The following LINGO2 variants were observed in gnomAD, a reference collection of about 807,000 sequenced individuals.
The protein encoded by LINGO2 is leucine-rich repeat and immunoglobulin-like domain-containing nogo receptor-interacting protein 2.
Under a neutral mutation model 30.6 loss-of-function variants are expected in LINGO2, and 14 were observed. That is an observed-to-expected ratio of 0.46 (90% CI 0.30 to 0.72). The LOEUF (loss-of-function observed/expected upper bound fraction) is 0.72, where lower values mean the gene tolerates loss of function less well. Among genes scored for constraint, LINGO2 ranks in the 30% least tolerant of loss-of-function variants. LINGO2 has a pLI of 0.07. For synonymous variants in LINGO2, 317 were observed against 288.5 expected (o/e 1.10, Z -1.00); for missense variants, 729 against 751.7 (o/e 0.97, Z 0.35).
At chr9:28,409,909 GGA>G (rs200151440) in intron 2 of LINGO2, among the ~76,000 whole-genome samples, 26 of 133,140 alleles carry the variant, frequency 2.0e-4, no homozygotes, top group African/African-American at 6.5e-4. Context: ...TGTGAGGGAG[GGA>G]GAGAGAAATA....
At chr9:28,373,569 G>C (rs1289117627) in intron 2 of LINGO2, among the ~76,000 whole-genome samples, 1 of 151,964 alleles carries the variant, frequency 6.6e-6, no homozygotes, top group Non-Finnish European at 1.5e-5. Flanking sequence ...AGAGGTAAGA[G>C]AAAAAAACTA....
intron 3 of LINGO2, among the ~76,000 whole-genome samples, chr9:28,332,638 A>T (rs1036912952): frequency 2.0e-5 from 3 of 152,104 alleles, no homozygotes; most frequent in African/African-American, 7.2e-5. Context: ...AGCCAAACTC[A>T]AGACAGAGAT....
intron 4 of LINGO2, among the ~76,000 whole-genome samples, chr9:28,137,040 T>A (rs1279148108): frequency 1.3e-5 from 2 of 152,136 alleles, no homozygotes; most frequent in African/African-American, 4.8e-5. Context: ...TCCTGTTTCT[T>A]AGGTTTTCAG....
chr9:28,283,268 G>A (rs527698753), intron 4 of LINGO2, among the ~76,000 whole-genome samples: 4 of 152,242 alleles, frequency 2.6e-5, no homozygotes, highest in Admixed American at 6.5e-5. Flanking sequence ...AATTATACAC[G>A]AAGTGTGTCC....
chr9:28,433,923 T>TCTCTCTC (rs1564196132), intron 2 of LINGO2, among the ~76,000 whole-genome samples: 1,579 of 109,094 alleles, frequency 0.014, 250 homozygotes, highest in Admixed American at 0.02. Flanking sequence ...TGCTCTCTCT[T>TCTCTCTC]TCTCTCTCTC....
the LINGO2 span, among the ~76,000 whole-genome samples, chr9:28,878,186 A>G: frequency 6.6e-6 from 1 of 152,280 alleles, no homozygotes; most frequent in Admixed American, 6.5e-5. Flanking sequence ...AATACAATCT[A>G]CCATCAGAGA....
the LINGO2 span, among the ~76,000 whole-genome samples, chr9:28,922,207 G>A: frequency 6.6e-6 from 1 of 152,128 alleles, no homozygotes; most frequent in Admixed American, 6.6e-5. Flanking sequence ...GTCCCACAAT[G>A]AACATTGCAA....
At chr9:28,187,547 A>C (rs1819586003) in intron 4 of LINGO2, among the ~76,000 whole-genome samples, 1 of 151,960 alleles carries the variant, frequency 6.6e-6, no homozygotes, top group Non-Finnish European at 1.5e-5. Flanking sequence ...TTTGGGCTTC[A>C]CTACTGGATG....
At chr9:28,994,239 G>C in the LINGO2 span, among the ~76,000 whole-genome samples, 2 of 152,238 alleles carry the variant, frequency 1.3e-5, no homozygotes, top group African/African-American at 4.8e-5. Flanking sequence ...CAAACATAGA[G>C]CCAAATCATG....
At chr9:28,920,222 T>C in the LINGO2 span, among the ~76,000 whole-genome samples, 6 of 152,116 alleles carry the variant, frequency 3.9e-5, no homozygotes, top group East Asian at 1.2e-3. Flanking sequence ...TTTTTCTTAA[T>C]GCACCTGATG....
At chr9:29,032,283 C>T in the LINGO2 span, among the ~76,000 whole-genome samples, 1 of 152,092 alleles carries the variant, frequency 6.6e-6, no homozygotes, top group Non-Finnish European at 1.5e-5. Context: ...ATGTTAAATG[C>T]AGAACAATGG....
the LINGO2 span, among the ~76,000 whole-genome samples, chr9:28,890,347 G>A: frequency 6.6e-6 from 1 of 152,144 alleles, no homozygotes; most frequent in Non-Finnish European, 1.5e-5. Context: ...ATTAGGTTGT[G>A]CAGGTAAGCA....
intron 1 of LINGO2, among the ~76,000 whole-genome samples, chr9:28,611,769 C>T (rs1198680631): frequency 1.3e-5 from 2 of 151,762 alleles, no homozygotes; most frequent in Non-Finnish European, 1.5e-5. Flanking sequence ...TCTGTGTCTG[C>T]ATATGAATGC....
the LINGO2 span, among the ~76,000 whole-genome samples, chr9:28,934,256 G>A: frequency 6.6e-6 from 1 of 152,186 alleles, no homozygotes; most frequent in Non-Finnish European, 1.5e-5. Context: ...TCTTTCAAGA[G>A]AACACTATCC....
the LINGO2 span, among the ~76,000 whole-genome samples, chr9:28,883,519 CATA>C: frequency 6.6e-6 from 1 of 151,056 alleles, no homozygotes; most frequent in East Asian, 2.0e-4. Flanking sequence ...CCACTCAAAC[CATA>C]ATAAGGCAGG....
chr9:28,436,942 C>G (rs909505117), intron 2 of LINGO2, among the ~76,000 whole-genome samples: 3 of 152,110 alleles, frequency 2.0e-5, no homozygotes, highest in Non-Finnish European at 4.4e-5. Flanking sequence ...CGAGCTGCAG[C>G]TTTTAATAAA....
chr9:28,492,181 A>G (rs2135271702), intron 1 of LINGO2, among the ~76,000 whole-genome samples: 1 of 152,314 alleles, frequency 6.6e-6, no homozygotes, highest in East Asian at 1.9e-4. Flanking sequence ...TCCACACAGA[A>G]CTAAATTCCA....
At chr9:29,143,931 A>T in the LINGO2 span, among the ~76,000 whole-genome samples, 1 of 152,218 alleles carries the variant, frequency 6.6e-6, no homozygotes, top group South Asian at 2.1e-4. Context: ...AATGCATCTT[A>T]AGCTGATTAT....
chr9:28,081,878 A>G (rs1242374704), intron 4 of LINGO2, among the ~76,000 whole-genome samples: 2 of 152,198 alleles, frequency 1.3e-5, no homozygotes. Flanking sequence ...GTCATATAAA[A>G]GTAGCTAATG....
Sources: allele counts gnomAD v4.1 joint callset (sites outside exome capture counted in the v4.1 genomes callset), GRCh38; gene constraint gnomAD v4.1.1; transcripts MANE v1.5; gene names NCBI Gene and HGNC (gene_info 2026-07-23, HGNC 2026-07-21).